SHANK2: variants seen among roughly 807,000 people sequenced by gnomAD.
The protein encoded by SHANK2 is SH3 and multiple ankyrin repeat domains 2.
Under a neutral mutation model 133.7 loss-of-function variants are expected in SHANK2, and 43 were observed. That is an observed-to-expected ratio of 0.32 (90% CI 0.25 to 0.41). The LOEUF (loss-of-function observed/expected upper bound fraction) is 0.41, where lower values mean the gene tolerates loss of function less well. Among genes scored for constraint, SHANK2 ranks in the 10% least tolerant of loss-of-function variants. The probability of loss-of-function intolerance (pLI) is 1.00; values close to 1 mark genes in which losing one functional copy is unlikely to be tolerated. For synonymous variants in SHANK2, 1,017 were observed against 952.8 expected (o/e 1.07, Z -1.24); for missense variants, 1,994 against 2,235.8 (o/e 0.89, Z 2.18).
intron 2 of SHANK2, among the ~76,000 whole-genome samples, chr11:71,180,939 G>A (rs1953542074): frequency 6.6e-6 from 1 of 151,934 alleles, no homozygotes; most frequent in African/African-American, 2.4e-5. Flanking sequence ...TGGCCATAAA[G>A]CAACCTTCCA....
chr11:71,220,348 G>A (rs146617441), intron 2 of SHANK2, among the ~76,000 whole-genome samples: 7 of 152,126 alleles, frequency 4.6e-5, no homozygotes, highest in Admixed American at 1.3e-4. Flanking sequence ...TAGTATAACC[G>A]CTGTGGAAAA....
intron 1 of SHANK2, among the ~76,000 whole-genome samples, chr11:71,234,231 G>A (rs1323317398): frequency 1.2e-4 from 18 of 147,140 alleles, no homozygotes; most frequent in East Asian, 4.0e-4. Flanking sequence ...GTGTGGTGGT[G>A]CGTGCCTGTA....
chr11:70,912,992 A>G (rs1253787711), intron 10 of SHANK2, among the ~76,000 whole-genome samples: 2 of 151,934 alleles, frequency 1.3e-5, no homozygotes, highest in Non-Finnish European at 2.9e-5. Context: ...GGACTTATCA[A>G]TTTACAGTCT....
chr11:70,729,682 A>G (rs1253780024), intron 14 of SHANK2, among the ~76,000 whole-genome samples: 3 of 148,972 alleles, frequency 2.0e-5, no homozygotes, highest in South Asian at 4.3e-4. Flanking sequence ...CCGCTACCAC[A>G]CCCGGCTAAT....
chr11:70,848,252 C>T (rs539906681), intron 11 of SHANK2, among the ~76,000 whole-genome samples: 5 of 152,194 alleles, frequency 3.3e-5, no homozygotes, highest in East Asian at 1.9e-4. Context: ...ATACCAGCAA[C>T]GAGTTCCTAT....
rs116646223 is a variant in SHANK2, at chr11:70,636,830, T to C, written c.2061+22998A>G. Among the ~76,000 whole-genome samples the C allele has an allele frequency of 6.9e-3, 1,041 of 151,472 alleles. 11 individuals carry two copies. The highest frequency in any genetic ancestry group is 0.024 in the African/African-American group (997 of 41,204). ...CATGTGTGTGGGCATGTGTGAGAAC[T>C]TGTGTATTTATAAGAATGTATGTAA... On this transcript the variant is annotated intron_variant, in intron 17 of 25. Coordinates refer to ENST00000601538, the MANE Select transcript of SHANK2 (RefSeq NM_012309.5).
chr11:70,750,998 A>T (rs1280596298), intron 14 of SHANK2, among the ~76,000 whole-genome samples: 1 of 152,224 alleles, frequency 6.6e-6, no homozygotes, highest in African/African-American at 2.4e-5. Flanking sequence ...TTGGCATACC[A>T]AGAACTAGAA....
intron 3 of SHANK2, among the ~76,000 whole-genome samples, chr11:71,132,709 CTGCCTT>C (rs1300443765): frequency 3.3e-5 from 5 of 152,186 alleles, no homozygotes; most frequent in Non-Finnish European, 7.3e-5. Context: ...AAGTCCTTCT[CTGCCTT>C]TATCGAGGAT....
Position 71,175,614 on chromosome 11 carries a change from G to C in SHANK2, c.-12-28276C>G, listed in dbSNP as rs1953426045. Among the ~76,000 whole-genome samples, 1 of 146,996 alleles carries C rather than the reference G, an allele frequency of 6.8e-6. No homozygotes were observed. Among genetic ancestry groups the C allele is most frequent in the Non-Finnish European group, 1.5e-5 (1 of 67,214 alleles). On this transcript the variant is annotated intron_variant, in intron 2 of 25. Coordinates refer to ENST00000601538, the MANE Select transcript of SHANK2 (RefSeq NM_012309.5). This position sits in a 1 kb window ranked among gnomAD's most constrained non-coding sequence, Gnocchi z 4.2. ...AGAGAGAGAGAGAGACAGAGACAGA[G>C]ACATCGCTTCCAGCCAAGATGGAGG...
intron 14 of SHANK2, among the ~76,000 whole-genome samples, chr11:70,769,415 C>T (rs1211588035): frequency 2.6e-5 from 4 of 152,184 alleles, no homozygotes; most frequent in African/African-American, 9.7e-5. Context: ...TCAGGAACAA[C>T]AAATAGGTCA....
chr11:70,707,327 G>C (rs1555025144), intron 14 of SHANK2, among the ~76,000 whole-genome samples: 1 of 138,424 alleles, frequency 7.2e-6, no homozygotes, highest in Non-Finnish European at 1.5e-5. Flanking sequence ...AGCCGAGATT[G>C]TGCCATTGCA....
At chr11:70,702,498 A>G (rs954857959) in intron 14 of SHANK2, among the ~76,000 whole-genome samples, 1 of 151,930 alleles carries the variant, frequency 6.6e-6, no homozygotes, top group Non-Finnish European at 1.5e-5. Context: ...CCCCATCACC[A>G]TCATCAGCAC....
intron 2 of SHANK2, among the ~76,000 whole-genome samples, chr11:71,152,024 C>T (rs1952808310): frequency 6.6e-6 from 1 of 152,206 alleles, no homozygotes; most frequent in South Asian, 2.1e-4. Context: ...GGTAGGAACG[C>T]AGGTCTGGTG....
At chr11:71,153,209 A>G (rs782450887) in intron 2 of SHANK2, among the ~76,000 whole-genome samples, 10 of 149,264 alleles carry the variant, frequency 6.7e-5, no homozygotes, top group Non-Finnish European at 1.3e-4. Context: ...TCCCCAGGAA[A>G]AGCCAGTGCC....
chr11:70,595,993 G>A lies in SHANK2; in HGVS notation c.2061+63835C>T, dbSNP rs545455433. Among the ~76,000 whole-genome samples the A allele has an allele frequency of 2.4e-4, 37 of 152,306 alleles. No homozygotes were observed. The South Asian group carries it at 7.5e-3, about 31-fold the overall frequency. ...ATCGTGAGGATGAAGCAGAGATTGC[G>A]GTGACCACCTCCACGCCAAGGCATC... is the stretch of plus-strand genomic sequence containing the variant. On this transcript the variant is annotated intron_variant, in intron 17 of 25. Transcript: ENST00000601538.
chr11:70,653,973 G>A (rs2061372466), intron 17 of SHANK2, among the ~76,000 whole-genome samples: 1 of 152,186 alleles, frequency 6.6e-6, no homozygotes, highest in Non-Finnish European at 1.5e-5. Flanking sequence ...AAACACCAGG[G>A]CATCCCTCTT....
chr11:70,885,752 A>C (rs539710256), intron 11 of SHANK2, among the ~76,000 whole-genome samples: 103 of 152,262 alleles, frequency 6.8e-4, no homozygotes, highest in South Asian at 1.2e-3. Context: ...GGCAGGCCAC[A>C]CAAGACGGCT....
chr11:70,491,109 G>A (rs1331386160), intron 22 of SHANK2, among the ~76,000 whole-genome samples: 1 of 152,372 alleles, frequency 6.6e-6, no homozygotes. Flanking sequence ...CCAGGCTGTT[G>A]TTTTGTCTGC....
At chr11:70,684,163 T>G (rs1162890534) in intron 15 of SHANK2, among the ~76,000 whole-genome samples, 57 of 152,098 alleles carry the variant, frequency 3.7e-4, no homozygotes, top group Admixed American at 3.7e-3. Flanking sequence ...TCACTCTTCA[T>G]ATCCACGGCC....
Sources: allele counts gnomAD v4.1 joint callset (sites outside exome capture counted in the v4.1 genomes callset), GRCh38; gene constraint gnomAD v4.1.1; non-coding constraint Gnocchi (gnomAD v3.1); transcripts MANE v1.5; gene names NCBI Gene and HGNC (gene_info 2026-07-23, HGNC 2026-07-21).